RORA: variants seen among roughly 807,000 people sequenced by gnomAD.
The protein encoded by RORA is RAR related orphan receptor A, also known as nuclear receptor ROR-alpha.
A neutral mutation model predicts 69.5 loss-of-function variants in RORA; 7 were observed. The ratio of observed to expected loss-of-function variants is 0.10; its 90% CI spans 0.06 to 0.19. The LOEUF (loss-of-function observed/expected upper bound fraction) is 0.19. RORA is among the 10% of genes least tolerant of loss of function. The probability of loss-of-function intolerance (pLI) is 1.00; values close to 1 mark genes in which losing one functional copy is unlikely to be tolerated. For missense variants in RORA, 457 were observed against 663.0 expected, an observed-to-expected ratio of 0.69 and a Z score of 3.41; for synonymous variants, 261 against 240.8, an observed-to-expected ratio of 1.08 and a Z score of -0.78.
At chr15:60,497,642 A>G (rs1422774564) in intron 10 of RORA, 23 bp from the exon 11 acceptor site, 1 of 1,592,644 alleles carries the variant, frequency 6.3e-7, no homozygotes, top group Non-Finnish European at 8.6e-7. Flanking sequence ...GAAAGGACAC[A>G]CCGTCAGGCA....
At chr15:61,217,434 G>C (rs201143865) in intron 1 of RORA, among the ~76,000 whole-genome samples, 12 of 143,338 alleles carry the variant, frequency 8.4e-5, no homozygotes, top group African/African-American at 3.3e-4. Flanking sequence ...ATTTCAATGA[G>C]CAGAGAGAGA....
At chr15:61,155,272 T>C (rs1031663443) in intron 1 of RORA, among the ~76,000 whole-genome samples, 1 of 152,200 alleles carries the variant, frequency 6.6e-6, no homozygotes, top group African/African-American at 2.4e-5. Flanking sequence ...AATATCAGCA[T>C]GTTACTTCAA....
chr15:61,079,113 T>A (rs1473424530), intron 1 of RORA, among the ~76,000 whole-genome samples: 2 of 151,576 alleles, frequency 1.3e-5, no homozygotes, highest in African/African-American at 2.4e-5. Flanking sequence ...CTTATTACCA[T>A]CCTCCTCCTA....
intron 2 of RORA, among the ~76,000 whole-genome samples, chr15:60,644,400 G>A (rs1416529678): frequency 6.6e-6 from 1 of 152,134 alleles, no homozygotes; most frequent in Non-Finnish European, 1.5e-5. Flanking sequence ...TGTTTTGGGG[G>A]GCTGACGGCC....
At chr15:60,640,502 C>A (rs1188868910) in intron 2 of RORA, among the ~76,000 whole-genome samples, 1 of 152,192 alleles carries the variant, frequency 6.6e-6, no homozygotes, top group East Asian at 1.9e-4. Context: ...TAAAACCCTC[C>A]CGTGGCTGAA....
intron 1 of RORA, among the ~76,000 whole-genome samples, chr15:60,770,329 T>G (rs2072055212): frequency 6.6e-6 from 1 of 152,208 alleles, no homozygotes; most frequent in Non-Finnish European, 1.5e-5. Context: ...TTGTGTTTCT[T>G]AACTGACCAG....
chr15:61,091,648 T>C (rs2078708850), intron 1 of RORA, among the ~76,000 whole-genome samples: 1 of 152,226 alleles, frequency 6.6e-6, no homozygotes, highest in Non-Finnish European at 1.5e-5. Flanking sequence ...CAGGAAGCAT[T>C]CGCATGATGC....
chr15:60,812,965 A>C (rs2072764336), intron 1 of RORA, among the ~76,000 whole-genome samples: 2 of 152,218 alleles, frequency 1.3e-5, no homozygotes, highest in African/African-American at 2.4e-5. Context: ...TGCTGGTCAG[A>C]AGAGGCTGTG....
At chr15:61,023,211 A>AAC (rs1895634257) in intron 1 of RORA, among the ~76,000 whole-genome samples, 1 of 148,028 alleles carries the variant, frequency 6.8e-6, no homozygotes, top group Non-Finnish European at 1.5e-5. Context: ...AAAAAAAAAA[A>AAC]CTGACAAAAC....
At chr15:60,851,397 G>A (rs1309096267) in intron 1 of RORA, among the ~76,000 whole-genome samples, 1 of 152,134 alleles carries the variant, frequency 6.6e-6, no homozygotes, top group African/African-American at 2.4e-5. Flanking sequence ...GGGCCCCTGG[G>A]TGTGAGCGTG....
At chr15:60,911,377 T>C (rs1019571133) in intron 1 of RORA, among the ~76,000 whole-genome samples, 5 of 152,168 alleles carry the variant, frequency 3.3e-5, no homozygotes, top group African/African-American at 1.2e-4. Context: ...ACGGCCATGT[T>C]TGAGAACATC....
intron 2 of RORA, among the ~76,000 whole-genome samples, chr15:60,626,781 C>A (rs1449621386): frequency 6.6e-6 from 1 of 152,158 alleles, no homozygotes; most frequent in East Asian, 1.9e-4. Flanking sequence ...TACTGCCTTT[C>A]CCTGGATGTT....
chr15:60,738,255 G>A (rs1346011074), intron 1 of RORA, among the ~76,000 whole-genome samples: 1 of 152,196 alleles, frequency 6.6e-6, no homozygotes, highest in Non-Finnish European at 1.5e-5. Flanking sequence ...GATATTAAAA[G>A]CAAAAACAAC....
chr15:60,572,864 C>T (rs763631144), intron 2 of RORA, among the ~76,000 whole-genome samples: 1 of 152,210 alleles, frequency 6.6e-6, no homozygotes, highest in Non-Finnish European at 1.5e-5. Context: ...TGAGTCCTGA[C>T]TAACATGTAC....
Position 61,084,380 on chromosome 15 carries a change from T to C in RORA, c.166+144673A>G, listed in dbSNP as rs549188733. Among the ~76,000 whole-genome samples the C allele has an allele frequency of 2.6e-5, 4 of 152,330 alleles. No homozygotes were observed. The East Asian group carries it at 7.7e-4, about 29-fold the overall frequency. On this transcript the variant is annotated intron_variant, in intron 1 of 10. Coordinates refer to ENST00000335670, the MANE Select transcript of RORA (RefSeq NM_134261.3). Reference sequence around the variant, plus strand: ...GTCAAAAAAGATAGAGCAAATTGCATACCCTCTCTAGGAAAAGCAAACCAC... The same window carrying C: ...GTCAAAAAAGATAGAGCAAATTGCACACCCTCTCTAGGAAAAGCAAACCAC...
chr15:60,525,449 A>G (rs1019868812), intron 3 of RORA, among the ~76,000 whole-genome samples: 3 of 152,188 alleles, frequency 2.0e-5, no homozygotes, highest in African/African-American at 7.2e-5. Flanking sequence ...CACTTAATGA[A>G]TTGATTCCTA....
At chr15:60,791,213 C>T (rs1306321676) in intron 1 of RORA, among the ~76,000 whole-genome samples, 1 of 152,174 alleles carries the variant, frequency 6.6e-6, no homozygotes, top group African/African-American at 2.4e-5. Context: ...CCTAGGTCAT[C>T]TCATCTGTGA....
intron 1 of RORA, among the ~76,000 whole-genome samples, chr15:60,884,333 AT>A (rs5813049): frequency 0.54 from 79,922 of 147,246 alleles, 22,856 homozygotes; most frequent in Non-Finnish European, 0.65. Context: ...CCTTTGTAGA[AT>A]TTTTTTTTTT....
At chr15:60,643,323 C>A (rs918359874) in intron 2 of RORA, among the ~76,000 whole-genome samples, 2 of 152,150 alleles carry the variant, frequency 1.3e-5, no homozygotes, top group African/African-American at 4.8e-5. Flanking sequence ...ATGACCTAGG[C>A]CCAGAGAACT....
Sources: gnomAD v4.1 joint callset for allele counts (sites outside exome capture counted in the v4.1 genomes callset) on GRCh38, gnomAD v4.1.1 for gene constraint, MANE v1.5 for transcripts, NCBI Gene and HGNC (gene_info 2026-07-23, HGNC 2026-07-21) for gene names.